TBC1D22A: variants seen among roughly 807,000 people sequenced by gnomAD.
TBC1D22A encodes the protein TBC1 domain family member 22A, also known as putative GTPase activator.
In TBC1D22A, 38 loss-of-function variants were observed where a neutral mutation model predicts 60.2. The observed-to-expected ratio is 0.63, with a 90% confidence interval of 0.49 to 0.83. TBC1D22A has a LOEUF of 0.83. Among genes scored for constraint, TBC1D22A ranks in the 40% least tolerant of loss-of-function variants. TBC1D22A has a pLI of 0.00. For missense variants in TBC1D22A, 628 were observed against 701.0 expected, an observed-to-expected ratio of 0.90 and a Z score of 1.18; for synonymous variants, 302 against 281.7, an observed-to-expected ratio of 1.07 and a Z score of -0.72.
chr22:46,925,783 C>T (rs1040734235), intron 8 of TBC1D22A, among the ~76,000 whole-genome samples: 23 of 152,100 alleles, frequency 1.5e-4, no homozygotes, highest in East Asian at 9.6e-4. Flanking sequence ...CAGCAAGAAA[C>T]TAGAAGAATA....
chr22:46,983,207 A>G (rs986123135), intron 9 of TBC1D22A, among the ~76,000 whole-genome samples: 1 of 152,304 alleles, frequency 6.6e-6, no homozygotes, highest in African/African-American at 2.4e-5. Flanking sequence ...TCCACAGTGC[A>G]GGAGGGTGCC....
rs2065131801 is a variant in TBC1D22A, at chr22:47,095,331, GC to G, written c.1330-16175del. Among the ~76,000 whole-genome samples, 3 of 152,368 alleles carry G rather than the reference GC, an allele frequency of 2.0e-5. No individual in the cohort carries two copies. The East Asian group carries it at 5.8e-4, about 29-fold the overall frequency. ...CGGGGAAATCTCGTGAGGCCAGAAGGCCATTTGTTTTTATTTCGTGCCAAAA... is the reference window on the plus strand; with the variant it reads ...CGGGGAAATCTCGTGAGGCCAGAAGGCATTTGTTTTTATTTCGTGCCAAAA... On this transcript the variant is annotated intron_variant, in intron 11 of 12. Coordinates refer to ENST00000337137, the MANE Select transcript of TBC1D22A (RefSeq NM_014346.5).
chr22:47,135,897 T>C (rs2147128148), intron 12 of TBC1D22A, among the ~76,000 whole-genome samples: 1 of 152,300 alleles, frequency 6.6e-6, no homozygotes, highest in Non-Finnish European at 1.5e-5. Context: ...GCCCAGCGCT[T>C]GTTCACTGAG....
chr22:47,073,144 T>G (rs191214237), intron 11 of TBC1D22A, among the ~76,000 whole-genome samples: 1 of 152,278 alleles, frequency 6.6e-6, no homozygotes, highest in Admixed American at 6.5e-5. Flanking sequence ...ACTGAAAGAC[T>G]CTTCTAACTG....
intron 8 of TBC1D22A, among the ~76,000 whole-genome samples, chr22:46,926,769 C>G (rs2071072494): frequency 6.6e-6 from 1 of 152,204 alleles, no homozygotes; most frequent in African/African-American, 2.4e-5. Flanking sequence ...AGTTCCTAGC[C>G]TGCTAGCCTA....
chr22:46,872,330 C>T (rs895886086), intron 4 of TBC1D22A, among the ~76,000 whole-genome samples: 15 of 151,626 alleles, frequency 9.9e-5, no homozygotes, highest in Non-Finnish European at 2.1e-4. Context: ...AACATAATCC[C>T]GATACCAAAA....
At chr22:47,140,904 G>A (rs1454154956) in intron 12 of TBC1D22A, among the ~76,000 whole-genome samples, 2 of 152,354 alleles carry the variant, frequency 1.3e-5, no homozygotes, top group African/African-American at 2.4e-5. Context: ...GAGTTGGAAG[G>A]GTCTGGCATA....
chr22:46,810,621 T>G (rs936490292), intron 4 of TBC1D22A, among the ~76,000 whole-genome samples: 1 of 152,232 alleles, frequency 6.6e-6, no homozygotes, highest in Admixed American at 6.5e-5. Context: ...ATAAACTGTT[T>G]TGTGGTGGAC....
intron 4 of TBC1D22A, among the ~76,000 whole-genome samples, chr22:46,823,108 C>A (rs891918427): frequency 2.0e-5 from 3 of 152,128 alleles, no homozygotes; most frequent in African/African-American, 7.2e-5. Flanking sequence ...AATTTGAAAT[C>A]CAAAGCATCT....
At chr22:46,941,269 A>C (rs1221884156) in intron 8 of TBC1D22A, among the ~76,000 whole-genome samples, 2 of 148,370 alleles carry the variant, frequency 1.3e-5, no homozygotes, top group Non-Finnish European at 3.0e-5. Flanking sequence ...AAGCTGGGGC[A>C]CTAGCACACA....
At chr22:46,883,484 G>T (rs2067951660) in intron 5 of TBC1D22A, among the ~76,000 whole-genome samples, 1 of 152,174 alleles carries the variant, frequency 6.6e-6, no homozygotes, top group South Asian at 2.1e-4. Context: ...TTTAGGGATG[G>T]GAGTGTCAGG....
intron 9 of TBC1D22A, among the ~76,000 whole-genome samples, chr22:46,996,441 C>T (rs1042692980): frequency 2.0e-5 from 3 of 152,348 alleles, no homozygotes; most frequent in South Asian, 4.1e-4. Context: ...CCCGTTGTTT[C>T]GCTGCCTCCC....
intron 11 of TBC1D22A, among the ~76,000 whole-genome samples, chr22:47,059,755 C>T (rs1313057792): frequency 1.3e-5 from 2 of 152,168 alleles, no homozygotes; most frequent in African/African-American, 4.8e-5. Flanking sequence ...GCTTTCAGGT[C>T]TGAGCCAGCA....
At chr22:46,869,829 C>T (rs1030767649) in intron 4 of TBC1D22A, among the ~76,000 whole-genome samples, 3 of 152,162 alleles carry the variant, frequency 2.0e-5, no homozygotes, top group African/African-American at 7.2e-5. Flanking sequence ...AAAAAAGACG[C>T]TTAAATGATG....
At chr22:46,808,842 C>T (rs570964229) in intron 4 of TBC1D22A, among the ~76,000 whole-genome samples, 37 of 152,374 alleles carry the variant, frequency 2.4e-4, no homozygotes, top group East Asian at 1.9e-3. Flanking sequence ...GATCCACCCT[C>T]CTCGGCCTTC....
At chr22:46,901,290 C>A (rs1456892647) in intron 7 of TBC1D22A, among the ~76,000 whole-genome samples, 4 of 152,184 alleles carry the variant, frequency 2.6e-5, no homozygotes, top group Non-Finnish European at 5.9e-5. Context: ...TGCTTTCTGA[C>A]CATTGTACTG....
intron 11 of TBC1D22A, among the ~76,000 whole-genome samples, chr22:47,040,875 C>A (rs1422383214): frequency 6.6e-6 from 1 of 152,164 alleles, no homozygotes; most frequent in Non-Finnish European, 1.5e-5. Context: ...AAGCCGGCCT[C>A]CTGGGCCTGG....
chr22:46,900,146 G>T (rs1009894974), intron 7 of TBC1D22A, among the ~76,000 whole-genome samples: 1 of 150,598 alleles, frequency 6.6e-6, no homozygotes, highest in Non-Finnish European at 1.5e-5. Flanking sequence ...TTTGACAGCT[G>T]TGGTTTTTTT....
At chr22:47,064,322 G>A (rs910338774) in intron 11 of TBC1D22A, among the ~76,000 whole-genome samples, 1 of 152,262 alleles carries the variant, frequency 6.6e-6, no homozygotes, top group Admixed American at 6.5e-5. Flanking sequence ...AGCCAGGCAG[G>A]TTTGTCCACA....
Sources: gnomAD v4.1 joint callset for allele counts (sites outside exome capture counted in the v4.1 genomes callset) on GRCh38, gnomAD v4.1.1 for gene constraint, MANE v1.5 for transcripts, NCBI Gene and HGNC (gene_info 2026-07-23, HGNC 2026-07-21) for gene names.